Variants in CBR3 observed in about 807,000 individuals in gnomAD.
CBR3 encodes carbonyl reductase 3, also known as carbonyl reductase [NADPH] 3.
A neutral mutation model predicts 11.6 loss-of-function variants in CBR3; 14 were observed. The ratio of observed to expected loss-of-function variants is 1.20; its 90% CI spans 0.79 to 1.88. The LOEUF is 1.88. Ranked by LOEUF, CBR3 falls within the 40% of genes most tolerant of loss-of-function variation. The pLI is 0.00. For synonymous variants in CBR3, 125 were observed against 145.6 expected (o/e 0.86, Z 1.02); for missense variants, 308 against 357.3 (o/e 0.86, Z 1.11).
rs1227704349 is a variant in CBR3, at chr21:36,137,832, T to C, written c.297T>C (p.Asp99=). The change falls in exon 2 of 3, where the codon GAT becomes GAC. Residue 99 remains aspartate (D), a synonymous_variant. Coordinates refer to ENST00000290354, the MANE Select transcript of CBR3 (RefSeq NM_001236.4). ...TCTTTCTCTTTTTGAAAGGTGATGA[T>C]CCAATGCCCTTTGACATTAAAGCTG... ...NNAAVAFKSD[D]PMPFDIKAEM... The C allele has an allele frequency of 1.3e-6, 2 of 1,590,962 alleles. No homozygotes were observed. Among genetic ancestry groups the C allele is most frequent in the African/African-American group, 2.7e-5 (2 of 74,440 alleles).
rs374685414 is a variant in CBR3 at position 36,140,496 on chromosome 21, T to C, written c.397+2564T>C. On this transcript the variant is annotated intron_variant, in intron 2 of 2. Coordinates refer to ENST00000290354, the MANE Select transcript of CBR3 (RefSeq NM_001236.4). ...TGTGGCTATATAGGGACGCAGCCAT[T>C]ATAGGGATGTCTTTTACCCAGTGTT... 8.2e-4 allele frequency among the ~76,000 whole-genome samples: 125 copies of C among 152,236 alleles called. 2 individuals are homozygous for C. The South Asian group carries it at 0.022, about 27-fold the overall frequency.
chr21:36,141,914 T>C, intron 2 of CBR3: 1 of 983,888 alleles, frequency 1.0e-6, no homozygotes, highest in South Asian at 4.7e-5. Flanking sequence ...TCACATTTAA[T>C]TCCTTGTAGC....
At position 36,142,299 on chromosome 21, in the gene CBR3, G is replaced by A. The variant is rs2065715668; in HGVS notation, c.398-3777G>A. Among the ~76,000 whole-genome samples, 5 of 151,996 alleles carry A rather than the reference G, an allele frequency of 3.3e-5. No individual in the cohort carries two copies. The South Asian group carries it at 1.0e-3, about 32-fold the overall frequency. On this transcript the variant is annotated intron_variant, in intron 2 of 2. Transcript: ENST00000290354. ...TACAAGAAATTAGCCAGGCATGGTGGCAGGCGCCTGTAGTCCCAGCTACTT... is the reference window on the plus strand; with the variant it reads ...TACAAGAAATTAGCCAGGCATGGTGACAGGCGCCTGTAGTCCCAGCTACTT...
At chr21:36,135,847 G>A (rs532944395) in intron 1 of CBR3, among the ~76,000 whole-genome samples, 1 of 152,246 alleles carries the variant, frequency 6.6e-6, no homozygotes, top group African/African-American at 2.4e-5. Flanking sequence ...TCTCTGCAAA[G>A]AAACGGTCTC....
intron 1 of CBR3, 143 bp downstream of exon 1, chr21:36,135,624 C>G: frequency 1.3e-6 from 1 of 764,906 alleles, no homozygotes; most frequent in Non-Finnish European, 2.0e-6. Context: ...ACGCCTCCCG[C>G]GAGGCGGTTT....
intron 1 of CBR3, among the ~76,000 whole-genome samples, chr21:36,135,955 G>A (rs1236270523): frequency 6.6e-6 from 1 of 152,220 alleles, no homozygotes; most frequent in Non-Finnish European, 1.5e-5. Context: ...AACAGGATTA[G>A]CGCGCGCTTG....
intron 2 of CBR3, among the ~76,000 whole-genome samples, chr21:36,143,625 A>T (rs2065730669): frequency 6.6e-6 from 1 of 152,124 alleles, no homozygotes; most frequent in African/African-American, 2.4e-5. Context: ...CACGCCTATA[A>T]TCCTAGCACT....
chr21:36,142,437 A>AAAAAAAAAAAAAAC (rs1555883305), intron 2 of CBR3, among the ~76,000 whole-genome samples: 13 of 82,312 alleles, frequency 1.6e-4, no homozygotes, highest in African/African-American at 3.2e-4. Context: ...ATCTCAAAAA[A>AAAAAAAAAAAAAAC]AAAAAAAAAA....
chr21:36,135,258 G>A lies in CBR3; in HGVS notation c.66G>A (p.Ala22=). ...GANRGIGLAI[A]RELCRQFSGD... is the part of the protein sequence containing the mutation. The stretch of plus-strand genomic sequence containing the variant: ...ACAGGGGCATCGGCTTGGCCATCGC[G>A]CGCGAACTGTGCCGACAGTTCTCTG... The change falls in exon 1 of 3, where the codon GCG becomes GCA. Residue 22 remains alanine, a synonymous_variant. Coordinates refer to ENST00000290354, the MANE Select transcript of CBR3 (RefSeq NM_001236.4). 1.3e-6 allele frequency: 2 copies of A among 1,588,270 alleles called. No homozygotes were observed. The highest frequency in any genetic ancestry group is 1.1e-5 in the South Asian group (1 of 88,486).
At chr21:36,136,492 C>T (rs1010147762) in intron 1 of CBR3, among the ~76,000 whole-genome samples, 1 of 152,158 alleles carries the variant, frequency 6.6e-6, no homozygotes, top group Non-Finnish European at 1.5e-5. Context: ...TTGACCCGCA[C>T]GGGCAACTCA....
chr21:36,142,431 C>CAAAAAAAAAAAAAAAAAAAAAAAAAAA (rs71326645), intron 2 of CBR3, among the ~76,000 whole-genome samples: 2 of 40,420 alleles, frequency 4.9e-5, no homozygotes, highest in African/African-American at 2.3e-4. Context: ...GACTCCATCT[C>CAAAAAAAAAAAAAAAAAAAAAAAAAAA]AAAAAAAAAA....
In CBR3 at chr21:36,135,095, G is replaced by A; in HGVS notation, c.-98G>A. 3.4e-6 allele frequency: 4 copies of A among 1,191,334 alleles called. No individual in the cohort carries two copies. The highest frequency in any genetic ancestry group is 4.5e-6 in the Non-Finnish European group (4 of 898,692). 73.8% of individuals were successfully genotyped at this position (1,191,334 alleles called of 1,614,324 possible). A position where few individuals can be genotyped will look rare whatever the true frequency, so the allele number is the denominator to read the frequency against. On this transcript the variant is annotated 5_prime_UTR_variant, in exon 1 of 3. Coordinates refer to ENST00000290354, the MANE Select transcript of CBR3 (RefSeq NM_001236.4). ...CTGGATCCCAGAACTTAGTCTGCGC[G>A]GCGGCATTGACACTAGCTGGGCTCC...
At chr21:36,141,087 G>T (rs1037269218) in intron 2 of CBR3, among the ~76,000 whole-genome samples, 3 of 147,164 alleles carry the variant, frequency 2.0e-5, no homozygotes, top group African/African-American at 5.0e-5. Flanking sequence ...AACATATGGA[G>T]ACCCCAGCTC....
At chr21:36,145,418 C>T (rs1300575276) in intron 2 of CBR3, among the ~76,000 whole-genome samples, 1 of 152,168 alleles carries the variant, frequency 6.6e-6, no homozygotes, top group Non-Finnish European at 1.5e-5. Context: ...TGGCTCACTG[C>T]AATCTCTACT....
intron 1 of CBR3, among the ~76,000 whole-genome samples, chr21:36,136,731 C>G (rs555405563): frequency 1.5e-3 from 225 of 152,056 alleles, no homozygotes; most frequent in Admixed American, 4.2e-3. Flanking sequence ...CCTGCTGAAT[C>G]AAAATCTGCG....
chr21:36,135,456 C>G lies in CBR3; in HGVS notation c.264C>G (p.Val88=), dbSNP rs1181819546. Residue 88 remains valine (V), a synonymous_variant, in exon 1 of 3, where the codon GTC becomes GTG. Coordinates refer to ENST00000290354, the MANE Select transcript of CBR3 (RefSeq NM_001236.4). The part of the protein sequence containing the change: ...RKEYGGLNVL[V]NNAAVAFKSD... ...AGTACGGGGGGCTCAACGTACTGGT[C>G]AACAACGCGGCCGTCGCCTTCAAGA... The G allele has an allele frequency of 6.2e-7, 1 of 1,612,412 alleles. No individual in the cohort carries two copies. The highest frequency in any genetic ancestry group is 1.1e-5 in the South Asian group (1 of 90,972).
chr21:36,145,639 C>T (rs1209613077), intron 2 of CBR3, among the ~76,000 whole-genome samples: 3 of 152,102 alleles, frequency 2.0e-5, no homozygotes, highest in African/African-American at 7.2e-5. Context: ...AGCATCCAGC[C>T]ACTTTTTTGT....
At chr21:36,140,876 T>C (rs2065702522) in intron 2 of CBR3, among the ~76,000 whole-genome samples, 1 of 151,514 alleles carries the variant, frequency 6.6e-6, no homozygotes, top group South Asian at 2.1e-4. Context: ...GGCATGGTGG[T>C]GGGCACCTGT....
chr21:36,138,748 T>TC (rs1036045721), intron 2 of CBR3: 4 of 143,840 alleles, frequency 2.8e-5, no homozygotes, highest in African/African-American at 5.2e-5. Context: ...TCTTTTCTTT[T>TC]TTTTTTTTTT....
Sources: allele counts gnomAD v4.1 joint callset (sites outside exome capture counted in the v4.1 genomes callset), GRCh38; gene constraint gnomAD v4.1.1; transcripts MANE v1.5; gene names NCBI Gene and HGNC (gene_info 2026-07-23, HGNC 2026-07-21).